ISM2: variants seen among roughly 807,000 people sequenced by gnomAD.
ISM2 encodes isthmin-2.
ISM2 carries 50 observed loss-of-function variants against 58.0 expected under a neutral mutation model. That is an observed-to-expected ratio of 0.86 (90% CI 0.69 to 1.09). The LOEUF is 1.09. ISM2 is among the 50% of genes least tolerant of loss of function. The probability of loss-of-function intolerance (pLI) is 0.00; values close to 1 mark genes in which losing one functional copy is unlikely to be tolerated. For synonymous variants in ISM2, 303 were observed against 312.4 expected (o/e 0.97, Z 0.32); for missense variants, 723 against 745.0 (o/e 0.97, Z 0.34).
chr14:77,493,985 G>C (rs997461794), intron 1 of ISM2, among the ~76,000 whole-genome samples: 1 of 150,476 alleles, frequency 6.6e-6, no homozygotes, highest in Admixed American at 6.6e-5. Flanking sequence ...CACCGTGTTA[G>C]CCAGGATGGT....
chr14:77,476,163 C>G, intron 6 of ISM2, 51 bp from the exon 7 acceptor site: 1 of 1,494,914 alleles, frequency 6.7e-7, no homozygotes, highest in Non-Finnish European at 8.9e-7. Flanking sequence ...GAGCCAGGCC[C>G]GTGTGGGGCG....
intron 1 of ISM2, among the ~76,000 whole-genome samples, chr14:77,496,174 A>G (rs1055992008): frequency 7.0e-6 from 1 of 142,828 alleles, no homozygotes; most frequent in African/African-American, 2.7e-5. Flanking sequence ...GAGATTGAGC[A>G]AGACTCCATG....
chr14:77,496,721 C>T (rs1474095257), intron 1 of ISM2, among the ~76,000 whole-genome samples: 2 of 142,648 alleles, frequency 1.4e-5, no homozygotes, highest in African/African-American at 2.7e-5. Flanking sequence ...TGCTTGAACC[C>T]GAGAGGCGGA....
At chr14:77,482,125 T>TAA (rs371621754) in intron 4 of ISM2, among the ~76,000 whole-genome samples, 197 bp downstream of exon 4, 8 of 137,654 alleles carry the variant, frequency 5.8e-5, no homozygotes, top group Non-Finnish European at 7.9e-5. Context: ...ATTAAAAAAT[T>TAA]AAAAAAAAAA....
intron 3 of ISM2, chr14:77,482,913 C>G (rs1020497235): frequency 2.5e-6 from 1 of 392,726 alleles, no homozygotes; most frequent in African/African-American, 2.1e-5. Context: ...CAGGTATGGA[C>G]TGAACTGGTC....
chr14:77,483,443 G>A (rs1051981689), intron 3 of ISM2, among the ~76,000 whole-genome samples: 11 of 151,610 alleles, frequency 7.3e-5, no homozygotes, highest in Admixed American at 1.3e-4. Flanking sequence ...AGCTACTTGG[G>A]AGCCTGAGGC....
At chr14:77,491,689 G>GTTTT (rs1566758519) in intron 1 of ISM2, among the ~76,000 whole-genome samples, 1 of 137,326 alleles carries the variant, frequency 7.3e-6, no homozygotes, top group African/African-American at 2.7e-5. Flanking sequence ...ACCGCGTCTG[G>GTTTT]TCTTTTTTTT....
chr14:77,492,289 G>T (rs1594954482), intron 1 of ISM2, among the ~76,000 whole-genome samples: 1 of 152,140 alleles, frequency 6.6e-6, no homozygotes, highest in Non-Finnish European at 1.5e-5. Context: ...GTGCCCAGGG[G>T]CTCTGGAATT....
intron 3 of ISM2, chr14:77,482,888 C>T: frequency 2.1e-6 from 1 of 469,676 alleles, no homozygotes; most frequent in South Asian, 5.0e-5. Flanking sequence ...CTGGGGACTC[C>T]TAATTCGCAG....
chr14:77,491,714 T>TTA (rs2079206134), intron 1 of ISM2, among the ~76,000 whole-genome samples: 1 of 133,522 alleles, frequency 7.5e-6, no homozygotes, highest in African/African-American at 2.7e-5. Flanking sequence ...TTTTTTTTTT[T>TTA]GAGATGGAAT....
rs1243831748 is a variant in ISM2 at position 77,484,576 on chromosome 14, G to A, written c.385-11C>T. ...TGGGGAGGCTGAAGCCTGAGGAAGA[G>A]AGAGGGAAGGTGAGGTGACAGGTTA... On this transcript the variant is annotated splice_polypyrimidine_tract_variant and intron_variant, in intron 2 of 6. Coordinates refer to ENST00000342219, the MANE Select transcript of ISM2 (RefSeq NM_199296.3). The A allele has an allele frequency of 1.9e-6, 3 of 1,602,352 alleles. No individual in the cohort carries two copies. The Admixed American group carries it at 5.1e-5, about 27-fold the overall frequency.
intron 1 of ISM2, among the ~76,000 whole-genome samples, chr14:77,488,756 C>A (rs1208312258): frequency 6.6e-6 from 1 of 152,178 alleles, no homozygotes; most frequent in Non-Finnish European, 1.5e-5. Context: ...CAGGGGCACC[C>A]CCCTCGCCAG....
Position 77,475,527 on chromosome 14 carries a change from A to T in ISM2, c.*68T>A. 2.7e-6 allele frequency: 1 copy of T among 376,706 alleles called. No homozygotes were observed. Among genetic ancestry groups the T allele is most frequent in the Non-Finnish European group, 4.1e-6 (1 of 245,290 alleles). The allele number at this position is 376,706 out of a possible 1,614,324, so 23.3% of individuals were successfully genotyped here. A position where few individuals can be genotyped will look rare whatever the true frequency, so the allele number is the denominator to read the frequency against. On this transcript the variant is annotated 3_prime_UTR_variant, in exon 7 of 7. Coordinates refer to ENST00000342219, the MANE Select transcript of ISM2 (RefSeq NM_199296.3). This position sits in a 1 kb window ranked among gnomAD's most constrained non-coding sequence, Gnocchi z 4.1. Reference sequence around the variant, plus strand: ...CTGTCTGGGCAGGGGCGGGTGAGGAAAGTTCTCCCGTGCAACAGCAGCAGC... The same window carrying T: ...CTGTCTGGGCAGGGGCGGGTGAGGATAGTTCTCCCGTGCAACAGCAGCAGC...
intron 1 of ISM2, among the ~76,000 whole-genome samples, chr14:77,492,918 C>T (rs993173974): frequency 6.6e-6 from 1 of 152,078 alleles, no homozygotes; most frequent in African/African-American, 2.4e-5. Flanking sequence ...TCGCTTGAGC[C>T]TGGGAGGCAG....
intron 3 of ISM2, among the ~76,000 whole-genome samples, chr14:77,483,643 C>T (rs1026349864): frequency 5.4e-5 from 8 of 149,266 alleles, no homozygotes; most frequent in African/African-American, 9.8e-5. Flanking sequence ...TGCGTGTGTG[C>T]GTGTGTGTGT....
At position 77,482,682 on chromosome 14, in the gene ISM2, C is replaced by T. The variant is rs560839117; in HGVS notation, c.628-15G>A. 4 of 1,478,216 alleles carry T rather than the reference C, an allele frequency of 2.7e-6. No individual in the cohort carries two copies. Among genetic ancestry groups the T allele is most frequent in the Admixed American group, 2.2e-5 (1 of 46,206 alleles). 91.6% of individuals were successfully genotyped at this position (1,478,216 alleles called of 1,614,324 possible). The stretch of plus-strand genomic sequence containing the variant: ...TTGATGGTCACCTGCAGGAGACAGG[C>T]CAGGCCGGCCAGTGAAGGAGGTCTT... On this transcript the variant is annotated splice_polypyrimidine_tract_variant and intron_variant, in intron 3 of 6. Transcript: ENST00000342219.
intron 1 of ISM2, among the ~76,000 whole-genome samples, chr14:77,497,857 T>C (rs1228617922): frequency 6.6e-6 from 1 of 150,692 alleles, no homozygotes; most frequent in Non-Finnish European, 1.5e-5. Flanking sequence ...GGAAGAGCTA[T>C]TCGGGCCTCC....
intron 1 of ISM2, among the ~76,000 whole-genome samples, chr14:77,495,036 C>T (rs1035982983): frequency 2.0e-4 from 31 of 151,956 alleles, no homozygotes; most frequent in African/African-American, 7.5e-4. Context: ...GGGGGCGCAC[C>T]ATCACGCTCA....
chr14:77,495,086 C>T (rs977503929), intron 1 of ISM2, among the ~76,000 whole-genome samples: 10 of 151,952 alleles, frequency 6.6e-5, no homozygotes, highest in Non-Finnish European at 1.3e-4. Flanking sequence ...GATGGGTTTT[C>T]GCCATGTTGC....
Sources: allele counts gnomAD v4.1 joint callset (sites outside exome capture counted in the v4.1 genomes callset), GRCh38; gene constraint gnomAD v4.1.1; non-coding constraint Gnocchi (gnomAD v3.1); transcripts MANE v1.5; gene names NCBI Gene and HGNC (gene_info 2026-07-23, HGNC 2026-07-21).